CKAP5: variants seen among roughly 807,000 people sequenced by gnomAD.
CKAP5 encodes the protein cytoskeleton associated protein 5.
In CKAP5, 27 loss-of-function variants were observed where a neutral mutation model predicts 232.8. The observed-to-expected ratio is 0.12, with a 90% confidence interval of 0.09 to 0.16. The LOEUF (loss-of-function observed/expected upper bound fraction) is 0.16, where lower values mean the gene tolerates loss of function less well. CKAP5 is among the 10% of genes least tolerant of loss of function. CKAP5 has a pLI of 1.00. For synonymous variants in CKAP5, 785 were observed against 841.1 expected, an observed-to-expected ratio of 0.93 and a Z score of 1.16; for missense variants, 1,838 against 2,424.7, an observed-to-expected ratio of 0.76 and a Z score of 5.08.
intron 42 of CKAP5, 140 bp from the exon 43 acceptor site, chr11:46,744,717 A>G: frequency 1.3e-6 from 1 of 760,988 alleles, no homozygotes; most frequent in South Asian, 1.8e-5. Context: ...ATCTACCTGG[A>G]GTTGGTGATA....
intron 35 of CKAP5, among the ~76,000 whole-genome samples, chr11:46,756,921 A>ATTTTTTT (rs574875888): frequency 7.6e-6 from 1 of 131,174 alleles, no homozygotes. Context: ...ATGCCCGGCT[A>ATTTTTTT]TTTTTTTTTT....
intron 1 of CKAP5, among the ~76,000 whole-genome samples, chr11:46,827,101 T>C (rs746049117): frequency 6.6e-6 from 1 of 152,158 alleles, no homozygotes; most frequent in Non-Finnish European, 1.5e-5. Flanking sequence ...CTTTTTTTGG[T>C]AGTATTACAC....
chr11:46,786,921 A>T (rs2065399515), intron 16 of CKAP5, among the ~76,000 whole-genome samples: 1 of 152,202 alleles, frequency 6.6e-6, no homozygotes, highest in Non-Finnish European at 1.5e-5. Flanking sequence ...CTGGTCATTA[A>T]GTTAACCAAG....
intron 3 of CKAP5, among the ~76,000 whole-genome samples, chr11:46,818,018 T>C (rs1939442891): frequency 6.6e-6 from 1 of 152,336 alleles, no homozygotes; most frequent in Non-Finnish European, 1.5e-5. Context: ...ACTCTTCCTT[T>C]TAGTTTAGAA....
chr11:46,802,724 T>A lies in CKAP5; in HGVS notation c.979-1420A>T, dbSNP rs937210953. On this transcript the variant is annotated intron_variant, in intron 8 of 43. Transcript: ENST00000529230. ...TGAATTTTATCTAGTCCCTACAATG[T>A]GGTGTTCCATAAGCAGAATGCTTTA... 2.0e-5 allele frequency among the ~76,000 whole-genome samples: 3 copies of A among 152,192 alleles called. No individual in the cohort carries two copies. The East Asian group carries it at 5.8e-4, about 29-fold the overall frequency.
chr11:46,829,838 ATGTGTGTGTGTGTGTGTGTG>A (rs57602333), intron 1 of CKAP5, among the ~76,000 whole-genome samples: 94 of 143,130 alleles, frequency 6.6e-4, no homozygotes, highest in African/African-American at 1.9e-3. Flanking sequence ...CCTTTTTTGT[ATGTGTGTGTGTGTGTGTGTG>A]TGTGTGTGTG....
At position 46,753,424 on chromosome 11, in the gene CKAP5, G is replaced by A; in HGVS notation, c.4943C>T (p.Thr1648Ile). 1.2e-6 allele frequency: 2 copies of A among 1,614,008 alleles called. No individual in the cohort carries two copies. Among genetic ancestry groups the A allele is most frequent in the Non-Finnish European group, 1.7e-6 (2 of 1,179,966 alleles). Reference sequence around the variant, plus strand: ...TTCAATCCGAGAATCCAGCATTAAGGTGATGAGGCCATGCATTAGGTCTTT... The same window carrying A: ...TTCAATCCGAGAATCCAGCATTAAGATGATGAGGCCATGCATTAGGTCTTT... ...VLKDLMHGLI[T>I]LMLDSRIEDL... Residue 1648 changes from threonine (T) to isoleucine (I), a missense_variant, in exon 37 of 44, where the codon ACC becomes ATC. Physicochemically the swap from Thr to Ile is moderately conservative, Grantham distance 89. Coordinates refer to ENST00000529230, the MANE Select transcript of CKAP5 (RefSeq NM_001008938.4).
In CKAP5 at chr11:46,743,609, A is replaced by T. The variant is rs1318717407; in HGVS notation, c.*414T>A. The T allele has an allele frequency of 5.2e-6, 1 of 193,306 alleles. No homozygotes were observed. The highest frequency in any genetic ancestry group is 1.1e-5 in the Non-Finnish European group (1 of 91,404). The allele number at this position is 193,306 out of a possible 1,614,324, so 12.0% of individuals were successfully genotyped here. A position where few individuals can be genotyped will look rare whatever the true frequency, so the allele number is the denominator to read the frequency against. ...TGTATCATGCCATGCATTCATACAG[A>T]ATACAGTGACCCTTCAGGGCGACAG... is the stretch of plus-strand genomic sequence containing the variant. On this transcript the variant is annotated 3_prime_UTR_variant, in exon 44 of 44. Transcript: ENST00000529230.
intron 1 of CKAP5, among the ~76,000 whole-genome samples, chr11:46,840,444 T>C (rs1298922335): frequency 1.3e-5 from 2 of 152,178 alleles, no homozygotes; most frequent in Non-Finnish European, 2.9e-5. Context: ...TAAAGGAGCA[T>C]AAGAGAGCCT....
intron 35 of CKAP5, among the ~76,000 whole-genome samples, chr11:46,758,512 CT>C (rs1366133974): frequency 1.3e-5 from 2 of 152,084 alleles, no homozygotes; most frequent in Non-Finnish European, 2.9e-5. Context: ...TCTCTAGCCT[CT>C]GGTGAATCAA....
intron 1 of CKAP5, 134 bp from the exon 2 acceptor site, chr11:46,821,402 C>T: frequency 2.4e-6 from 1 of 423,348 alleles, no homozygotes; most frequent in Non-Finnish European, 4.2e-6. Context: ...CAGATCCCCA[C>T]TTAATTCAAT....
rs976295345 is a variant in CKAP5, at chr11:46,754,916, T to C, written c.4841A>G (p.Tyr1614Cys). Reference sequence around the variant, plus strand: ...AATCATGTTGCCAATGATACAGCTATACAACTTGATGATCTCGTCCTTCTC... The same window carrying C: ...AATCATGTTGCCAATGATACAGCTACACAACTTGATGATCTCGTCCTTCTC... ...KLEKDEIIKL[Y>C]SCIIGNMISL... Residue 1614 changes from tyrosine (Y) to cysteine (C), a missense_variant, in exon 36 of 44, where the codon TAT becomes TGT. By Grantham distance (194) the Tyr-to-Cys change is radical (BLOSUM62 -2). This residue lies in a region of CKAP5 where 579 missense variants were observed against 843.2 expected (regional missense o/e 0.69). Transcript: ENST00000529230. The C allele has an allele frequency of 1.9e-6, 3 of 1,613,684 alleles. No homozygotes were observed. In the African/African-American group the frequency reaches 4.0e-5, roughly 22 times the overall value.
chr11:46,767,753 C>G (rs888524964), intron 26 of CKAP5, 90 bp from the exon 27 acceptor site: 2 of 762,472 alleles, frequency 2.6e-6, no homozygotes, highest in Non-Finnish European at 4.1e-6. Context: ...GACAAGGAAG[C>G]TTGCAGTCTT....
chr11:46,743,793 A>G lies in CKAP5; in HGVS notation c.*230T>C. 1.8e-6 allele frequency: 1 copy of G among 564,892 alleles called. No individual in the cohort carries two copies. The highest frequency in any genetic ancestry group is 2.1e-5 in the South Asian group (1 of 47,022). 35.0% of individuals were successfully genotyped at this position (564,892 alleles called of 1,614,324 possible). A position where few individuals can be genotyped will look rare whatever the true frequency, so the allele number is the denominator to read the frequency against. ...AGCAGAGAGGGGGCAGCTGTTTACAAGTCTGTACACTAAACTCATCCACGG... is the reference window on the plus strand; with the variant it reads ...AGCAGAGAGGGGGCAGCTGTTTACAGGTCTGTACACTAAACTCATCCACGG... On this transcript the variant is annotated 3_prime_UTR_variant, in exon 44 of 44. Coordinates refer to ENST00000529230, the MANE Select transcript of CKAP5 (RefSeq NM_001008938.4).
chr11:46,744,226 G>A lies in CKAP5; in HGVS notation c.5896C>T (p.Pro1966Ser). Reference protein sequence around the residue: ...RPPLTSLLSKPAVPTVASSTD... With the variant: ...RPPLTSLLSKSAVPTVASSTD... ...GAAGAGGCGACAGTAGGAACTGCTG[G>A]TTTGGAGAGCAAAGAGGTCAAAGGA... The change falls in exon 44 of 44, where the codon CCA (proline) becomes TCA (serine). Residue 1966 changes from proline (P) to serine (S), a missense_variant. By Grantham distance (74) the Pro-to-Ser change is moderately conservative. This residue lies in a region of CKAP5 where 579 missense variants were observed against 843.2 expected (regional missense o/e 0.69). Coordinates refer to ENST00000529230, the MANE Select transcript of CKAP5 (RefSeq NM_001008938.4). The A allele has an allele frequency of 6.2e-7, 1 of 1,614,132 alleles. No individual in the cohort carries two copies. The highest frequency in any genetic ancestry group is 1.7e-5 in the Admixed American group (1 of 59,996).
At position 46,808,017 on chromosome 11, in the gene CKAP5, G is replaced by T; in HGVS notation, c.978+14C>A. On this transcript the variant is annotated intron_variant, in intron 8 of 43. Coordinates refer to ENST00000529230, the MANE Select transcript of CKAP5 (RefSeq NM_001008938.4). ...GGCTGTTACAATACCAGTACTGCAA[G>T]TCCTCATATTTACCTTCTTTAATGC... 1 of 1,586,830 alleles carries T rather than the reference G, an allele frequency of 6.3e-7. No homozygotes were observed. Among genetic ancestry groups the T allele is most frequent in the South Asian group, 1.1e-5 (1 of 90,238 alleles).
Position 46,763,070 on chromosome 11 carries a change from T to C in CKAP5, c.3797A>G (p.Glu1266Gly). 6.2e-7 allele frequency: 1 copy of C among 1,613,360 alleles called. No individual in the cohort carries two copies. The change falls in exon 30 of 44, where the codon GAA becomes GGA. Residue 1266 changes from glutamate to glycine, a missense_variant. Glu to Gly is a moderately conservative substitution (Grantham distance 98, BLOSUM62 -2). Around this residue, in one of 6 missense-constraint regions of CKAP5, gnomAD observed 48 missense variants for 98.1 expected, o/e 0.49. Coordinates refer to ENST00000529230, the MANE Select transcript of CKAP5 (RefSeq NM_001008938.4). ...CAAGGTGAAGAGCAATTTTAAATAT[T>C]CTAGTGCTTTCATCAGGACGCTTGT... ...TNTSVLMKALEYLKLLFTLLS... is the reference protein window; with the variant it reads ...TNTSVLMKALGYLKLLFTLLS...
At chr11:46,815,502 G>A (rs1046328685) in intron 4 of CKAP5, among the ~76,000 whole-genome samples, 1 of 152,028 alleles carries the variant, frequency 6.6e-6, no homozygotes, top group Non-Finnish European at 1.5e-5. Flanking sequence ...TTGCCATCTT[G>A]CCCAGGCTGG....
At chr11:46,803,346 G>A (rs910231765) in intron 8 of CKAP5, among the ~76,000 whole-genome samples, 2 of 151,482 alleles carry the variant, frequency 1.3e-5, no homozygotes, top group African/African-American at 4.8e-5. Flanking sequence ...TCAGCTCACC[G>A]CAACCTCCCC....
Sources: allele counts gnomAD v4.1 joint callset (sites outside exome capture counted in the v4.1 genomes callset), GRCh38; gene constraint gnomAD v4.1.1; regional missense constraint gnomAD v4.1.1; transcripts MANE v1.5; gene names NCBI Gene and HGNC (gene_info 2026-07-23, HGNC 2026-07-21).